The following TMEM266 variants were observed in gnomAD, a reference collection of about 807,000 sequenced individuals.
TMEM266 encodes the protein transmembrane protein 266.
TMEM266 carries 33 observed loss-of-function variants against 50.5 expected under a neutral mutation model. The observed-to-expected ratio is 0.65, with a 90% confidence interval of 0.50 to 0.87. The LOEUF is 0.87. TMEM266 is among the 40% of genes least tolerant of loss of function. TMEM266 has a pLI of 0.00. For synonymous variants in TMEM266, 310 were observed against 292.3 expected, an observed-to-expected ratio of 1.06 and a Z score of -0.62; for missense variants, 655 against 695.1, an observed-to-expected ratio of 0.94 and a Z score of 0.65.
chr15:76,065,393 T>A (rs186954094), intron 1 of TMEM266, among the ~76,000 whole-genome samples: 1 of 152,332 alleles, frequency 6.6e-6, no homozygotes, highest in East Asian at 1.9e-4. Flanking sequence ...CAGATTTCGT[T>A]CATGATGGCT....
chr15:76,194,022 CTTTT>C (rs981730171), intron 9 of TMEM266, among the ~76,000 whole-genome samples: 2 of 150,838 alleles, frequency 1.3e-5, no homozygotes, highest in African/African-American at 4.9e-5. Context: ...GCCACTACTG[CTTTT>C]TTTTTTCTGG....
intron 1 of TMEM266, among the ~76,000 whole-genome samples, chr15:76,071,053 G>T (rs142954017): frequency 2.4e-4 from 36 of 152,266 alleles, no homozygotes; most frequent in African/African-American, 8.7e-4. Flanking sequence ...CTTTTCCTTA[G>T]GCTCCTTGAC....
chr15:76,099,031 C>T (rs1203433734), intron 1 of TMEM266, among the ~76,000 whole-genome samples: 5 of 152,138 alleles, frequency 3.3e-5, no homozygotes, highest in Non-Finnish European at 5.9e-5. Context: ...GGTGGTGGGA[C>T]CCACTGAGCC....
chr15:76,127,877 GGAATTT>G (rs372949163), intron 1 of TMEM266, among the ~76,000 whole-genome samples: 1 of 152,058 alleles, frequency 6.6e-6, no homozygotes, highest in African/African-American at 2.4e-5. Flanking sequence ...GTATCCTCTG[GGAATTT>G]GTTAGAAATG....
chr15:76,178,180 A>T (rs2038325739), intron 8 of TMEM266, among the ~76,000 whole-genome samples: 1 of 152,022 alleles, frequency 6.6e-6, no homozygotes, highest in African/African-American at 2.4e-5. Context: ...TAAAAGCAGG[A>T]CTGGGGGATC....
At chr15:76,167,474 A>AG (rs2038115333) in intron 5 of TMEM266, among the ~76,000 whole-genome samples, 1 of 151,124 alleles carries the variant, frequency 6.6e-6, no homozygotes, top group Non-Finnish European at 1.5e-5. Context: ...TTTCAAAAAA[A>AG]AAAAAAAAAA....
intron 5 of TMEM266, among the ~76,000 whole-genome samples, chr15:76,167,441 A>G (rs1349048315): frequency 6.7e-6 from 1 of 148,380 alleles, no homozygotes; most frequent in Non-Finnish European, 1.5e-5. Flanking sequence ...CTGCACTCTA[A>G]CCTGGGCGAC....
chr15:76,171,142 C>T lies in TMEM266; in HGVS notation c.652+11C>T, dbSNP rs376913436. ...AGAGGGTCATTGATGGTGAGTGGCC[C>T]GAGGGGGGTGTGGTCAGTGGGGCTG... On this transcript the variant is annotated intron_variant, in intron 7 of 10. Coordinates refer to ENST00000388942, the MANE Select transcript of TMEM266 (RefSeq NM_152335.3). 22 of 1,612,542 alleles carry T rather than the reference C, an allele frequency of 1.4e-5. No individual in the cohort carries two copies. In the African/African-American group the frequency reaches 1.6e-4, roughly 12 times the overall value.
chr15:76,144,273 C>A (rs2037723772), intron 3 of TMEM266, among the ~76,000 whole-genome samples: 1 of 152,170 alleles, frequency 6.6e-6, no homozygotes, highest in East Asian at 1.9e-4. Flanking sequence ...CGTCTCTTTC[C>A]TGCTGCAACA....
At chr15:76,180,722 T>A (rs1385956547) in intron 8 of TMEM266, among the ~76,000 whole-genome samples, 2 of 149,362 alleles carry the variant, frequency 1.3e-5, no homozygotes, top group African/African-American at 4.9e-5. Context: ...CAAGAGATTC[T>A]CCTGCCTCAG....
intron 3 of TMEM266, among the ~76,000 whole-genome samples, chr15:76,150,342 C>T (rs1194603308): frequency 6.6e-6 from 1 of 152,194 alleles, no homozygotes; most frequent in Non-Finnish European, 1.5e-5. Context: ...TACCAGGCAG[C>T]TTCCAGTCTC....
At chr15:76,132,952 T>C (rs908756447) in intron 1 of TMEM266, among the ~76,000 whole-genome samples, 2 of 150,624 alleles carry the variant, frequency 1.3e-5, no homozygotes, top group African/African-American at 4.9e-5. Flanking sequence ...CTGGGCAACA[T>C]AGCAAAACCC....
intron 3 of TMEM266, among the ~76,000 whole-genome samples, chr15:76,150,052 C>A (rs886971216): frequency 6.6e-6 from 1 of 152,174 alleles, no homozygotes; most frequent in Non-Finnish European, 1.5e-5. Flanking sequence ...TGGAGCTAGG[C>A]GGGGCCCCAA....
At chr15:76,159,573 C>G (rs1478952805) in intron 4 of TMEM266, among the ~76,000 whole-genome samples, 1 of 152,150 alleles carries the variant, frequency 6.6e-6, no homozygotes, top group Non-Finnish European at 1.5e-5. Context: ...CTCTCTAAAA[C>G]ACACTGGCCG....
chr15:76,152,964 C>T (rs1286812367), intron 3 of TMEM266, among the ~76,000 whole-genome samples: 2 of 152,110 alleles, frequency 1.3e-5, no homozygotes, highest in South Asian at 2.1e-4. Context: ...GCCTGGCATT[C>T]GAATCCTGCC....
chr15:76,083,672 A>G (rs75583733), intron 1 of TMEM266, among the ~76,000 whole-genome samples: 243 of 152,032 alleles, frequency 1.6e-3, no homozygotes, highest in Non-Finnish European at 1.8e-3. Context: ...AGAACAATTA[A>G]CTCAGTTTCT....
intron 2 of TMEM266, among the ~76,000 whole-genome samples, chr15:76,137,391 C>T (rs1010697689): frequency 1.3e-5 from 2 of 152,180 alleles, no homozygotes; most frequent in Admixed American, 1.3e-4. Context: ...CATAGTTTTG[C>T]GGGCTGGCAG....
At chr15:76,104,189 G>A (rs1415406606) in intron 1 of TMEM266, among the ~76,000 whole-genome samples, 1 of 139,092 alleles carries the variant, frequency 7.2e-6, no homozygotes, top group East Asian at 2.1e-4. Flanking sequence ...CCTGGTGAAA[G>A]AGTGAGATTC....
chr15:76,135,760 T>C (rs1486620624), intron 2 of TMEM266, among the ~76,000 whole-genome samples: 2 of 152,186 alleles, frequency 1.3e-5, no homozygotes, highest in Non-Finnish European at 2.9e-5. Flanking sequence ...AAGCAAAGGT[T>C]TAAATAAAGC....
Sources: allele counts gnomAD v4.1 joint callset (sites outside exome capture counted in the v4.1 genomes callset), GRCh38; gene constraint gnomAD v4.1.1; transcripts MANE v1.5; gene names NCBI Gene and HGNC (gene_info 2026-07-23, HGNC 2026-07-21).